Variants in SLC27A2 observed in about 807,000 individuals in gnomAD.
SLC27A2 encodes long-chain fatty acid transport protein 2.
In SLC27A2, 54 loss-of-function variants were observed where a neutral mutation model predicts 60.0. The ratio of observed to expected loss-of-function variants is 0.90; its 90% CI spans 0.72 to 1.13. The LOEUF is 1.13. Among genes scored for constraint, SLC27A2 ranks in the 50% most tolerant of loss-of-function variants. The pLI, the probability that SLC27A2 is intolerant of heterozygous loss-of-function variation, is 0.00. For missense variants in SLC27A2, 739 were observed against 777.6 expected, an observed-to-expected ratio of 0.95 and a Z score of 0.59; for synonymous variants, 297 against 297.6, an observed-to-expected ratio of 1.00 and a Z score of 0.02.
At chr15:50,205,510 C>A in intron 4 of SLC27A2, 147 bp downstream of exon 4, 1 of 661,790 alleles carries the variant, frequency 1.5e-6, no homozygotes, top group African/African-American at 1.8e-5. Context: ...TGGCACTATA[C>A]CTACCATATA....
chr15:50,188,560 T>G (rs1230063986), intron 1 of SLC27A2, among the ~76,000 whole-genome samples: 1 of 152,238 alleles, frequency 6.6e-6, no homozygotes, highest in African/African-American at 2.4e-5. Context: ...AGGAGTAACT[T>G]AAATGAGTTG....
At chr15:50,202,352 G>GACTA in intron 2 of SLC27A2, 135 bp from the exon 3 acceptor site, 1 of 804,472 alleles carries the variant, frequency 1.2e-6, no homozygotes, top group Non-Finnish European at 2.0e-6. Context: ...TCAACTCCTG[G>GACTA]ACTAACTGGT....
chr15:50,208,815 C>A (rs558021187), intron 4 of SLC27A2, among the ~76,000 whole-genome samples: 1 of 152,320 alleles, frequency 6.6e-6, no homozygotes, highest in East Asian at 1.9e-4. Context: ...TGGGCCTTTG[C>A]TTTCAAAGCG....
chr15:50,234,386 G>A (rs2045336428), intron 9 of SLC27A2, among the ~76,000 whole-genome samples: 1 of 152,038 alleles, frequency 6.6e-6, no homozygotes, highest in Admixed American at 6.6e-5. Flanking sequence ...TCGGGGGTTC[G>A]AGATCAGCCT....
intron 4 of SLC27A2, among the ~76,000 whole-genome samples, chr15:50,219,399 G>A (rs1238188123): frequency 6.6e-6 from 1 of 152,050 alleles, no homozygotes; most frequent in Non-Finnish European, 1.5e-5. Flanking sequence ...CTTACACTAT[G>A]TGTGTGGCAC....
chr15:50,186,048 G>A (rs887945383), intron 1 of SLC27A2, among the ~76,000 whole-genome samples: 3 of 151,754 alleles, frequency 2.0e-5, no homozygotes, highest in Admixed American at 6.6e-5. Flanking sequence ...GACTAGCCTG[G>A]GCAACATGAT....
chr15:50,233,818 G>A (rs1368261517), intron 8 of SLC27A2, 50 bp from the exon 9 acceptor site: 1 of 1,511,466 alleles, frequency 6.6e-7, no homozygotes, highest in Middle Eastern at 1.9e-4. Flanking sequence ...AACTAATAAA[G>A]CATCATAAAT....
At chr15:50,194,339 G>A (rs534752402) in intron 1 of SLC27A2, among the ~76,000 whole-genome samples, 1 of 152,208 alleles carries the variant, frequency 6.6e-6, no homozygotes, top group South Asian at 2.1e-4. Flanking sequence ...CAGGGGGTGA[G>A]AGACCATGAA....
intron 4 of SLC27A2, among the ~76,000 whole-genome samples, chr15:50,211,776 A>C (rs1187334141): frequency 6.6e-6 from 1 of 152,176 alleles, no homozygotes; most frequent in African/African-American, 2.4e-5. Flanking sequence ...TAGATAGCTT[A>C]AAGAAAAAAA....
chr15:50,195,298 C>A (rs2140898247), intron 1 of SLC27A2, among the ~76,000 whole-genome samples: 1 of 140,908 alleles, frequency 7.1e-6, no homozygotes, highest in Admixed American at 7.0e-5. Flanking sequence ...AACCCCGTCT[C>A]TACTAAAAAT....
chr15:50,227,132 C>G lies in SLC27A2; in HGVS notation c.1411C>G (p.His471Asp). The G allele has an allele frequency of 1.2e-6, 2 of 1,613,138 alleles. No individual in the cohort carries two copies. Among genetic ancestry groups the G allele is most frequent in the Non-Finnish European group, 1.7e-6 (2 of 1,179,668 alleles). ...FNSGDLLMVDHENFIYFHDRV... is the reference protein window; with the variant it reads ...FNSGDLLMVDDENFIYFHDRV... ...CAGTGGAGATCTCTTAATGGTTGAC[C>G]ATGAAAATTTCATCTATTTCCACGA... The change falls in exon 7 of 10, where the codon CAT becomes GAT. Residue 471 changes from histidine to aspartate, a missense_variant. Coordinates refer to ENST00000267842, the MANE Select transcript of SLC27A2 (RefSeq NM_003645.4).
At chr15:50,228,379 A>AAAC (rs2045291927) in intron 7 of SLC27A2, among the ~76,000 whole-genome samples, 1 of 144,892 alleles carries the variant, frequency 6.9e-6, no homozygotes, top group African/African-American at 2.7e-5. Flanking sequence ...TCTGCCTCAA[A>AAAC]AAAAAAAAAA....
At chr15:50,203,117 G>C (rs1595684636) in intron 3 of SLC27A2, among the ~76,000 whole-genome samples, 1 of 152,008 alleles carries the variant, frequency 6.6e-6, no homozygotes, top group South Asian at 2.1e-4. Context: ...GAGTCCAAGA[G>C]TTCAAGATTG....
chr15:50,182,350 G>A lies in SLC27A2; in HGVS notation c.-78G>A, dbSNP rs1310536994. 4.3e-6 allele frequency: 6 copies of A among 1,379,718 alleles called. No individual in the cohort carries two copies. Among genetic ancestry groups the A allele is most frequent in the Non-Finnish European group, 5.6e-6 (6 of 1,067,910 alleles). 85.5% of individuals were successfully genotyped at this position (1,379,718 alleles called of 1,614,324 possible). On this transcript the variant is annotated 5_prime_UTR_variant, in exon 1 of 10. Coordinates refer to ENST00000267842, the MANE Select transcript of SLC27A2 (RefSeq NM_003645.4). The stretch of plus-strand genomic sequence containing the variant: ...CCCGGCGCAGCCCGCCAGTCCGCCC[G>A]GAGCCCGCCCAGTCGCCGCGCTGCA...
intron 4 of SLC27A2, among the ~76,000 whole-genome samples, chr15:50,222,284 C>T (rs2045248597): frequency 1.3e-5 from 2 of 152,194 alleles, no homozygotes; most frequent in Admixed American, 6.5e-5. Flanking sequence ...TTTGTTGTCT[C>T]GGTTCAGCTC....
At position 50,182,663 on chromosome 15, in the gene SLC27A2, T is replaced by C; in HGVS notation, c.236T>C (p.Leu79Pro). 6.2e-7 allele frequency: 1 copy of C among 1,613,920 alleles called. No homozygotes were observed. Among genetic ancestry groups the C allele is most frequent in the Non-Finnish European group, 8.5e-7 (1 of 1,179,894 alleles). ...KPFLLFRDET[L>P]TYAQVDRRSN... ...TTTCTGCTCTTCCGCGACGAGACTC[T>C]CACCTACGCGCAGGTGGACCGGCGC... Residue 79 changes from leucine to proline, a missense_variant, in exon 1 of 10, where the codon CTC (leucine) becomes CCC (proline). Coordinates refer to ENST00000267842, the MANE Select transcript of SLC27A2 (RefSeq NM_003645.4).
chr15:50,231,921 A>T (rs1235660164), intron 8 of SLC27A2, among the ~76,000 whole-genome samples: 1 of 152,220 alleles, frequency 6.6e-6, no homozygotes, highest in Admixed American at 6.5e-5. Flanking sequence ...CAGGATAGGA[A>T]ATGCCCCCAC....
At chr15:50,219,763 T>C (rs555177495) in intron 4 of SLC27A2, among the ~76,000 whole-genome samples, 2 of 152,320 alleles carry the variant, frequency 1.3e-5, no homozygotes, top group South Asian at 4.1e-4. Flanking sequence ...TTTCTGCCTG[T>C]GTTAATTACC....
chr15:50,182,350 G>T lies in SLC27A2; in HGVS notation c.-78G>T. 14 of 1,379,826 alleles carry T rather than the reference G, an allele frequency of 1.0e-5. No homozygotes were observed. Among genetic ancestry groups the T allele is most frequent in the Non-Finnish European group, 1.0e-5 (11 of 1,067,900 alleles). The allele number at this position is 1,379,826 out of a possible 1,614,324, so 85.5% of individuals were successfully genotyped here. On this transcript the variant is annotated 5_prime_UTR_variant, in exon 1 of 10. Coordinates refer to ENST00000267842, the MANE Select transcript of SLC27A2 (RefSeq NM_003645.4). The stretch of plus-strand genomic sequence containing the variant: ...CCCGGCGCAGCCCGCCAGTCCGCCC[G>T]GAGCCCGCCCAGTCGCCGCGCTGCA...
Sources: allele counts gnomAD v4.1 joint callset (sites outside exome capture counted in the v4.1 genomes callset), GRCh38; gene constraint gnomAD v4.1.1; transcripts MANE v1.5; gene names NCBI Gene and HGNC (gene_info 2026-07-23, HGNC 2026-07-21).